The following DNAH5 variants were observed in gnomAD, a reference collection of about 807,000 sequenced individuals.
DNAH5 encodes the protein dynein axonemal heavy chain 5.
DNAH5 carries 372 observed loss-of-function variants against 518.2 expected under a neutral mutation model. That is an observed-to-expected ratio of 0.72 (90% CI 0.66 to 0.78). The LOEUF (loss-of-function observed/expected upper bound fraction) is 0.78, where lower values mean the gene tolerates loss of function less well. DNAH5 is among the 30% of genes least tolerant of loss of function. The pLI is 0.00. For missense variants in DNAH5, 5,523 were observed against 5,687.0 expected, an observed-to-expected ratio of 0.97 and a Z score of 0.93; for synonymous variants, 2,039 against 2,025.9, an observed-to-expected ratio of 1.01 and a Z score of -0.17.
intron 65 of DNAH5, 58 bp from the exon 66 acceptor site, chr5:13,737,553 C>T (rs539672124): frequency 6.4e-7 from 1 of 1,565,610 alleles, no homozygotes; most frequent in South Asian, 1.1e-5. Context: ...TTGAGTATTC[C>T]TTAAGACGTT....
chr5:13,818,843 TCAG>T (rs1761841095), intron 41 of DNAH5, among the ~76,000 whole-genome samples: 2 of 152,242 alleles, frequency 1.3e-5, no homozygotes, highest in Admixed American at 6.5e-5. Flanking sequence ...CTCCACGTCG[TCAG>T]CAGAAGTTAA....
At chr5:13,727,477 T>C (rs766330756) in intron 70 of DNAH5, 30 bp downstream of exon 70, 1 of 1,580,080 alleles carries the variant, frequency 6.3e-7, no homozygotes, top group Non-Finnish European at 8.6e-7. Flanking sequence ...AAATATTCTC[T>C]CATTTTTCTC....
intron 1 of DNAH5, among the ~76,000 whole-genome samples, chr5:13,970,608 A>G (rs1001470063): frequency 6.6e-6 from 1 of 152,222 alleles, no homozygotes; most frequent in African/African-American, 2.4e-5. Context: ...GAGGCTAACA[A>G]CAGGATCCAA....
chr5:13,773,756 T>C (rs556313825), intron 55 of DNAH5, among the ~76,000 whole-genome samples: 1 of 152,070 alleles, frequency 6.6e-6, no homozygotes, highest in Non-Finnish European at 1.5e-5. Flanking sequence ...CACAGAGTGC[T>C]ATGGAATGGA....
chr5:13,780,368 C>T (rs1561239334), intron 53 of DNAH5, among the ~76,000 whole-genome samples: 1 of 152,162 alleles, frequency 6.6e-6, no homozygotes, highest in Admixed American at 6.5e-5. Context: ...TACAAAATCC[C>T]TGATGATACG....
At position 13,882,718 on chromosome 5, in the gene DNAH5, G is replaced by T. The variant is rs1303999221; in HGVS notation, c.3262+10C>A. 3 of 1,603,350 alleles carry T rather than the reference G, an allele frequency of 1.9e-6. No homozygotes were observed. The highest frequency in any genetic ancestry group is 2.2e-5 in the South Asian group (2 of 90,740). On this transcript the variant is annotated intron_variant, in intron 21 of 78. Transcript: ENST00000265104. ...CAATGCCTCTTTTAAAAGACTAAAA[G>T]AACATTTACCTTGAAGTTCATTTTC...
rs76692409 is a variant in DNAH5, at chr5:13,792,402, A to G, written c.8225-185T>C. ...ATACAGTATAACAAAAAATAGATACAAGTTTAAGAAAATAAGTTCAAAACA... is the reference window on the plus strand; with the variant it reads ...ATACAGTATAACAAAAAATAGATACGAGTTTAAGAAAATAAGTTCAAAACA... On this transcript the variant is annotated intron_variant, in intron 49 of 78. Transcript: ENST00000265104. 6.1e-3 allele frequency among the ~76,000 whole-genome samples: 928 copies of G among 152,326 alleles called. 5 individuals carry two copies. The highest frequency in any genetic ancestry group is 0.021 in the African/African-American group (872 of 41,572).
In DNAH5 at chr5:13,766,055, AG is replaced by A; in HGVS notation, c.10021del (p.Leu3341TrpfsTer14). 1 of 1,614,192 alleles carries A rather than the reference AG, an allele frequency of 6.2e-7. No homozygotes were observed. The highest frequency in any genetic ancestry group is 8.5e-7 in the Non-Finnish European group (1 of 1,180,028). On this transcript the variant is annotated frameshift_variant, in exon 59 of 79. Transcript: ENST00000265104. LOFTEE classifies it high-confidence loss of function. ...QRKVSAVKIDLEKSCTMPSWQ... is the reference protein window; with the variant it reads ...QRKVSAVKIDXEKSCTMPSWQ... ...GGAGGGCATGGTACAGCTTTTTTCC[AG>A]GTCAATTTTCACAGCACTGACTTTC...
intron 1 of DNAH5, among the ~76,000 whole-genome samples, chr5:14,000,606 AC>A (rs1426568920): frequency 6.7e-6 from 1 of 149,490 alleles, no homozygotes. Context: ...ACCATCTCAT[AC>A]CCATCAGAAT....
chr5:13,885,863 G>T, intron 18 of DNAH5, 101 bp downstream of exon 18: 2 of 1,101,728 alleles, frequency 1.8e-6, no homozygotes, highest in Non-Finnish European at 2.7e-6. Flanking sequence ...TCGAGAGGAT[G>T]TTTATAGAAG....
intron 17 of DNAH5, among the ~76,000 whole-genome samples, chr5:13,888,977 G>T (rs1772808311): frequency 6.6e-6 from 1 of 152,126 alleles, no homozygotes. Context: ...CCATTAAAAG[G>T]CTGCCTATGA....
At chr5:13,706,989 T>C (rs1469157479) in intron 76 of DNAH5, among the ~76,000 whole-genome samples, 2 of 152,080 alleles carry the variant, frequency 1.3e-5, no homozygotes, top group Admixed American at 6.5e-5. Context: ...GCCCAAATGT[T>C]GCATTTTCCA....
At chr5:13,817,386 T>C (rs945165283) in intron 42 of DNAH5, among the ~76,000 whole-genome samples, 162 bp downstream of exon 42, 2 of 152,198 alleles carry the variant, frequency 1.3e-5, no homozygotes, top group African/African-American at 4.8e-5. Flanking sequence ...TAATCAATAA[T>C]TCCATTATTT....
intron 1 of DNAH5, among the ~76,000 whole-genome samples, chr5:13,997,356 A>G (rs71614070): frequency 2.0e-5 from 3 of 152,210 alleles, no homozygotes; most frequent in African/African-American, 7.2e-5. Context: ...CTATGACACA[A>G]AAACAATTCA....
chr5:13,739,615 G>A (rs1270065486), intron 65 of DNAH5, among the ~76,000 whole-genome samples: 1 of 152,150 alleles, frequency 6.6e-6, no homozygotes, highest in Non-Finnish European at 1.5e-5. Context: ...GAGTGAGGCA[G>A]TGATGAATCA....
At position 13,919,366 on chromosome 5, in the gene DNAH5, G is replaced by A. The variant is rs752381312; in HGVS notation, c.799-14C>T. On this transcript the variant is annotated splice_polypyrimidine_tract_variant and intron_variant, in intron 6 of 78. Transcript: ENST00000265104. ...TTCAGCAAGAACCTGCAAATGCGCGGGGAAAAACACGAGCCATTGCACGGG... is the reference window on the plus strand; with the variant it reads ...TTCAGCAAGAACCTGCAAATGCGCGAGGAAAAACACGAGCCATTGCACGGG... 6.2e-6 allele frequency: 10 copies of A among 1,612,840 alleles called. No individual in the cohort carries two copies. The South Asian group carries it at 9.9e-5, about 16-fold the overall frequency.
chr5:13,793,402 C>T (rs1757307843), intron 49 of DNAH5, 113 bp downstream of exon 49: 1 of 858,680 alleles, frequency 1.2e-6, no homozygotes, highest in East Asian at 2.4e-5. Flanking sequence ...AGGCTGTAGA[C>T]CAAGGAGCCA....
At chr5:13,768,477 A>G (rs527370505) in intron 58 of DNAH5, among the ~76,000 whole-genome samples, 1 of 152,290 alleles carries the variant, frequency 6.6e-6, no homozygotes, top group East Asian at 1.9e-4. Flanking sequence ...ACAGACTAAT[A>G]CACAATTGTA....
chr5:13,728,756 A>G (rs1480729742), intron 69 of DNAH5, among the ~76,000 whole-genome samples: 3 of 152,216 alleles, frequency 2.0e-5, no homozygotes, highest in Non-Finnish European at 2.9e-5. Flanking sequence ...CCTTCAACTT[A>G]TAGCTGGATA....
Sources: gnomAD v4.1 joint callset for allele counts (sites outside exome capture counted in the v4.1 genomes callset) on GRCh38, gnomAD v4.1.1 for gene constraint, MANE v1.5 for transcripts, NCBI Gene and HGNC (gene_info 2026-07-23, HGNC 2026-07-21) for gene names.